SPATA17: variants seen among roughly 807,000 people sequenced by gnomAD.
SPATA17 encodes the protein spermatogenesis-associated protein 17.
Under a neutral mutation model 62.2 loss-of-function variants are expected in SPATA17, and 53 were observed. The ratio of observed to expected loss-of-function variants is 0.85; its 90% confidence interval spans 0.68 to 1.07. The LOEUF is 1.07. Ranked by LOEUF, SPATA17 falls within the 50% of genes least tolerant of loss-of-function variation. The pLI is 0.00. For missense variants in SPATA17, 466 were observed against 425.5 expected, an observed-to-expected ratio of 1.10 and a Z score of -0.84; for synonymous variants, 146 against 146.8, an observed-to-expected ratio of 0.99 and a Z score of 0.04.
intron 5 of SPATA17, among the ~76,000 whole-genome samples, chr1:217,721,573 C>G (rs1672127670): frequency 6.6e-6 from 1 of 152,190 alleles, no homozygotes; most frequent in South Asian, 2.1e-4. Flanking sequence ...ACTCCTCGCA[C>G]AAGGTTGGTT....
At chr1:217,865,816 CTT>C (rs1292126448) in intron 10 of SPATA17, among the ~76,000 whole-genome samples, 5 of 152,154 alleles carry the variant, frequency 3.3e-5, no homozygotes, top group Non-Finnish European at 7.4e-5. Context: ...TCCAGTTTGT[CTT>C]TGCAAAATGG....
chr1:217,664,357 A>G (rs116668550), intron 3 of SPATA17, among the ~76,000 whole-genome samples: 6,682 of 141,102 alleles, frequency 0.047, 230 homozygotes, highest in Middle Eastern at 0.11. Context: ...CAGTGGTGCA[A>G]TTGCTCCCTA....
rs564079482 is a variant in SPATA17 at position 217,868,216 on chromosome 1, C to T, written c.*1197C>T. Reference sequence around the variant, plus strand: ...AGAATTATTGGTTTTTTTTAGGTGTCATGGTATTGTTTTGGTTTACAAAGT... The same window carrying T: ...AGAATTATTGGTTTTTTTTAGGTGTTATGGTATTGTTTTGGTTTACAAAGT... On this transcript the variant is annotated 3_prime_UTR_variant, in exon 11 of 11. Transcript: ENST00000366933. 6 of 152,066 alleles carry T rather than the reference C, an allele frequency of 3.9e-5. No individual in the cohort carries two copies. The highest frequency in any genetic ancestry group is 1.2e-4 in the African/African-American group (5 of 41,480). The allele number at this position is 152,066 out of a possible 1,614,324, so 9.4% of individuals were successfully genotyped here.
intron 5 of SPATA17, among the ~76,000 whole-genome samples, chr1:217,690,912 C>T (rs1671338269): frequency 6.8e-6 from 1 of 146,340 alleles, no homozygotes; most frequent in African/African-American, 2.6e-5. Flanking sequence ...GGGTTGGTTC[C>T]AAGTCTTTGC....
At chr1:217,715,545 G>T (rs576943575) in intron 5 of SPATA17, among the ~76,000 whole-genome samples, 1 of 151,954 alleles carries the variant, frequency 6.6e-6, no homozygotes, top group African/African-American at 2.4e-5. Context: ...TCACATTTAT[G>T]AGAAAAATCT....
At chr1:217,635,535 C>T (rs899603234) in intron 1 of SPATA17, among the ~76,000 whole-genome samples, 3 of 152,000 alleles carry the variant, frequency 2.0e-5, no homozygotes, top group Non-Finnish European at 2.9e-5. Context: ...AAAACCCTGT[C>T]GCTACTAAAA....
chr1:217,666,124 C>T (rs550597418), intron 3 of SPATA17, among the ~76,000 whole-genome samples: 44 of 152,068 alleles, frequency 2.9e-4, no homozygotes, highest in African/African-American at 8.4e-4. Context: ...AATTTTCGCC[C>T]GAGATCTTTC....
intron 9 of SPATA17, among the ~76,000 whole-genome samples, chr1:217,815,105 G>A (rs373623836): frequency 9.2e-5 from 14 of 152,172 alleles, no homozygotes; most frequent in Non-Finnish European, 1.8e-4. Flanking sequence ...CAAACCTATT[G>A]CCTTCACTCC....
chr1:217,801,425 T>C (rs1427858045), intron 8 of SPATA17, among the ~76,000 whole-genome samples: 4 of 152,236 alleles, frequency 2.6e-5, no homozygotes, highest in Non-Finnish European at 5.9e-5. Flanking sequence ...GTTTTTGGCA[T>C]AATTAATTCA....
intron 9 of SPATA17, among the ~76,000 whole-genome samples, chr1:217,825,419 C>T (rs1401085450): frequency 1.3e-5 from 2 of 151,692 alleles, no homozygotes; most frequent in East Asian, 1.9e-4. Context: ...ACTTTTTATA[C>T]AGAACACTCA....
At chr1:217,730,258 C>T (rs1353157118) in intron 5 of SPATA17, among the ~76,000 whole-genome samples, 1 of 150,826 alleles carries the variant, frequency 6.6e-6, no homozygotes, top group Non-Finnish European at 1.5e-5. Flanking sequence ...CACTCTGTCG[C>T]CAAGGCTACA....
chr1:217,842,010 C>T (rs183786689), intron 9 of SPATA17, among the ~76,000 whole-genome samples: 90 of 151,376 alleles, frequency 5.9e-4, no homozygotes, highest in African/African-American at 1.9e-3. Flanking sequence ...TTTTGTTTTG[C>T]TAGGAGATTA....
chr1:217,645,941 A>G (rs1670170897), intron 1 of SPATA17, among the ~76,000 whole-genome samples: 1 of 152,180 alleles, frequency 6.6e-6, no homozygotes, highest in African/African-American at 2.4e-5. Flanking sequence ...ATGACACTGC[A>G]CTATACTTGT....
At chr1:217,703,773 G>A (rs1374681526) in intron 5 of SPATA17, among the ~76,000 whole-genome samples, 1 of 152,106 alleles carries the variant, frequency 6.6e-6, no homozygotes, top group Non-Finnish European at 1.5e-5. Context: ...GCTCCTATTA[G>A]ATGCATATTT....
chr1:217,860,450 T>A (rs1329228014), intron 9 of SPATA17, among the ~76,000 whole-genome samples: 1 of 152,178 alleles, frequency 6.6e-6, no homozygotes, highest in Non-Finnish European at 1.5e-5. Flanking sequence ...ATATTCTGCC[T>A]GCTGGATCTG....
chr1:217,805,906 A>G (rs1200124704), intron 9 of SPATA17, among the ~76,000 whole-genome samples: 1 of 152,210 alleles, frequency 6.6e-6, no homozygotes, highest in African/African-American at 2.4e-5. Flanking sequence ...TAATTTGTCA[A>G]TTATACCTCA....
chr1:217,845,226 TG>T (rs746961393), intron 9 of SPATA17, among the ~76,000 whole-genome samples: 3 of 152,132 alleles, frequency 2.0e-5, no homozygotes, highest in Non-Finnish European at 2.9e-5. Flanking sequence ...TTTTAACATG[TG>T]GACCAATTTT....
At chr1:217,807,958 T>C (rs969669755) in intron 9 of SPATA17, among the ~76,000 whole-genome samples, 1 of 152,172 alleles carries the variant, frequency 6.6e-6, no homozygotes, top group East Asian at 1.9e-4. Flanking sequence ...AGTCAAAGTG[T>C]ATTAACACAT....
At chr1:217,636,145 A>AT (rs928682293) in intron 1 of SPATA17, among the ~76,000 whole-genome samples, 11 of 151,628 alleles carry the variant, frequency 7.3e-5, no homozygotes, top group African/African-American at 2.4e-4. Context: ...AAAAAAAAAA[A>AT]AAAAAGGGTG....
Sources: allele counts gnomAD v4.1 joint callset (sites outside exome capture counted in the v4.1 genomes callset), GRCh38; gene constraint gnomAD v4.1.1; transcripts MANE v1.5; gene names NCBI Gene and HGNC (gene_info 2026-07-23, HGNC 2026-07-21).